Variants in MCPH1 observed in about 807,000 individuals in gnomAD.
The protein encoded by MCPH1 is microcephalin.
In MCPH1, 104 loss-of-function variants were observed where a neutral mutation model predicts 84.5. That is an observed-to-expected ratio of 1.23 (90% confidence interval 1.05 to 1.45). The LOEUF (loss-of-function observed/expected upper bound fraction) is 1.45. Among genes scored for constraint, MCPH1 ranks in the 40% most tolerant of loss-of-function variants. MCPH1 has a pLI of 0.00. For synonymous variants in MCPH1, 514 were observed against 366.8 expected (o/e 1.40, Z -4.58); for missense variants, 1,498 against 1,005.7 (o/e 1.49, Z -6.62).
chr8:6,443,773 C>T (rs1381857333), intron 7 of MCPH1, among the ~76,000 whole-genome samples: 1 of 152,092 alleles, frequency 6.6e-6, no homozygotes, highest in Non-Finnish European at 1.5e-5. Flanking sequence ...TTGTATTTAC[C>T]CAGAATAAAG....
chr8:6,455,295 A>G, intron 9 of MCPH1, 43 bp downstream of exon 9: 5 of 1,307,996 alleles, frequency 3.8e-6, no homozygotes, highest in South Asian at 1.2e-5. Flanking sequence ...AAATGCTGAT[A>G]CATCATAATG....
chr8:6,419,323 A>C (rs913683905), intron 3 of MCPH1, among the ~76,000 whole-genome samples: 2 of 152,026 alleles, frequency 1.3e-5, no homozygotes, highest in African/African-American at 4.8e-5. Context: ...AGGCTCAATC[A>C]GTCCTCTCAC....
At chr8:6,617,506 C>G (rs1487952000) in intron 12 of MCPH1, among the ~76,000 whole-genome samples, 1 of 151,988 alleles carries the variant, frequency 6.6e-6, no homozygotes, top group African/African-American at 2.4e-5. Flanking sequence ...GAGGTTTTCA[C>G]TGAGGTAACA....
chr8:6,571,015 A>G (rs1053985117), intron 12 of MCPH1, among the ~76,000 whole-genome samples: 5 of 152,132 alleles, frequency 3.3e-5, no homozygotes, highest in Non-Finnish European at 5.9e-5. Context: ...TTAAGAAAAA[A>G]AAATTCCTTG....
intron 12 of MCPH1, among the ~76,000 whole-genome samples, chr8:6,582,604 C>T (rs950309763): frequency 1.3e-5 from 2 of 152,044 alleles, no homozygotes; most frequent in Non-Finnish European, 2.9e-5. Flanking sequence ...GTGAACTCAC[C>T]ACTTACCTCT....
At chr8:6,592,271 CCTCCCAAGTAG>C (rs1476079412) in intron 12 of MCPH1, among the ~76,000 whole-genome samples, 1 of 152,088 alleles carries the variant, frequency 6.6e-6, no homozygotes, top group African/African-American at 2.4e-5. Flanking sequence ...CCCACCTCAG[CCTCCCAAGTAG>C]CTGGGACTAC....
At chr8:6,592,834 T>TG (rs1563164443) in intron 12 of MCPH1, among the ~76,000 whole-genome samples, 3 of 149,344 alleles carry the variant, frequency 2.0e-5, no homozygotes, top group Admixed American at 6.6e-5. Context: ...TTTTTTTTTT[T>TG]TTTTGTATTT....
chr8:6,598,707 G>A (rs746745172), intron 12 of MCPH1, among the ~76,000 whole-genome samples: 6 of 152,360 alleles, frequency 3.9e-5, no homozygotes, highest in Non-Finnish European at 7.3e-5. Context: ...GAAGGCCATG[G>A]CCCTGTGTGG....
At chr8:6,431,629 T>C in intron 4 of MCPH1, 43 bp downstream of exon 4, 1 of 1,297,790 alleles carries the variant, frequency 7.7e-7, no homozygotes, top group South Asian at 1.3e-5. Flanking sequence ...ATTAGGAATT[T>C]ATTCGTTTTT....
At chr8:6,459,939 C>T (rs1009319535) in intron 9 of MCPH1, among the ~76,000 whole-genome samples, 1 of 152,214 alleles carries the variant, frequency 6.6e-6, no homozygotes, top group Non-Finnish European at 1.5e-5. Flanking sequence ...GGGATGGATG[C>T]AGAACCGCGA....
At chr8:6,441,708 G>A (rs186533599) in intron 6 of MCPH1, among the ~76,000 whole-genome samples, 125 of 152,274 alleles carry the variant, frequency 8.2e-4, no homozygotes, top group African/African-American at 2.8e-3. Flanking sequence ...TGTACCTACT[G>A]CTCTCCCTCA....
intron 13 of MCPH1, among the ~76,000 whole-genome samples, chr8:6,639,091 A>C (rs1797755862): frequency 2.0e-5 from 3 of 152,184 alleles, no homozygotes; most frequent in Admixed American, 2.0e-4. Flanking sequence ...CTGTTTAAAG[A>C]TCGATACTTC....
chr8:6,525,158 T>C (rs1479983486), intron 12 of MCPH1, among the ~76,000 whole-genome samples: 2 of 152,240 alleles, frequency 1.3e-5, no homozygotes, highest in African/African-American at 4.8e-5. Flanking sequence ...TGGCTACCCA[T>C]TACATATCTC....
chr8:6,417,744 G>C (rs947591565), intron 3 of MCPH1, among the ~76,000 whole-genome samples: 7 of 152,176 alleles, frequency 4.6e-5, no homozygotes, highest in Non-Finnish European at 8.8e-5. Context: ...GATGAGTGTA[G>C]TTATAAATAG....
intron 5 of MCPH1, among the ~76,000 whole-genome samples, chr8:6,438,663 G>C (rs1803026605): frequency 6.6e-6 from 1 of 152,198 alleles, no homozygotes; most frequent in Non-Finnish European, 1.5e-5. Context: ...TTGTCTTCAA[G>C]TGGGGATACT....
At chr8:6,449,131 TCA>T (rs1301432364) in intron 8 of MCPH1, among the ~76,000 whole-genome samples, 3 of 152,238 alleles carry the variant, frequency 2.0e-5, no homozygotes, top group Non-Finnish European at 4.4e-5. Flanking sequence ...AAATATCTTT[TCA>T]CACAGACAGA....
chr8:6,583,755 C>T (rs144263054), intron 12 of MCPH1, among the ~76,000 whole-genome samples: 25 of 151,272 alleles, frequency 1.7e-4, no homozygotes, highest in East Asian at 5.8e-4. Flanking sequence ...GTGGCAAAGA[C>T]GCCTCAGCTA....
chr8:6,512,223 G>A (rs1815286165), intron 12 of MCPH1, among the ~76,000 whole-genome samples: 1 of 152,108 alleles, frequency 6.6e-6, no homozygotes, highest in Admixed American at 6.5e-5. Context: ...TGTACAGCAG[G>A]ACATACTGGG....
At chr8:6,640,779 T>G (rs1797890598) in intron 13 of MCPH1, among the ~76,000 whole-genome samples, 1 of 152,264 alleles carries the variant, frequency 6.6e-6, no homozygotes, top group Non-Finnish European at 1.5e-5. Context: ...AAAAATAATC[T>G]CATATTCTCC....
Sources: allele counts gnomAD v4.1 joint callset (sites outside exome capture counted in the v4.1 genomes callset), GRCh38; gene constraint gnomAD v4.1.1; transcripts MANE v1.5; gene names NCBI Gene and HGNC (gene_info 2026-07-23, HGNC 2026-07-21).